RLN3: variants seen among roughly 807,000 people sequenced by gnomAD.
The protein encoded by RLN3 is relaxin 3.
Under a neutral mutation model 10.2 loss-of-function variants are expected in RLN3, and 13 were observed. The observed-to-expected ratio is 1.28, with a 90% CI of 0.83 to 2.03. The LOEUF (loss-of-function observed/expected upper bound fraction) is 2.03. Ranked by LOEUF, RLN3 falls within the 30% of genes most tolerant of loss-of-function variation. RLN3 has a pLI of 0.00. For synonymous variants in RLN3, 56 were observed against 79.2 expected, an observed-to-expected ratio of 0.71 and a Z score of 1.56; for missense variants, 191 against 187.2, an observed-to-expected ratio of 1.02 and a Z score of -0.12.
chr19:14,030,258 G>A (rs1239512866), intron 1 of RLN3: 5 of 702,746 alleles, frequency 7.1e-6, no homozygotes, highest in South Asian at 1.5e-5. Flanking sequence ...AGAACATTGA[G>A]GCTCCAAGAA....
intron 1 of RLN3, among the ~76,000 whole-genome samples, chr19:14,028,903 T>C (rs1975756728): frequency 6.6e-6 from 1 of 151,818 alleles, no homozygotes; most frequent in Non-Finnish European, 1.5e-5. Context: ...GCCTCCAGAG[T>C]AGTTGAGACC....
rs1982632 is a variant in RLN3, at chr19:14,028,192, A to T, written c.-13A>T. 1.3e-6 allele frequency: 2 copies of T among 1,555,566 alleles called. No individual in the cohort carries two copies. The highest frequency in any genetic ancestry group is 3.9e-5 in the Admixed American group (2 of 50,890). ...ACTGGCCCACTCTCACGTTCAAAGC[A>T]TCTCCGTCCAGCATGGCCAGGTACA... On this transcript the variant is annotated 5_prime_UTR_variant, in exon 1 of 2. Coordinates refer to ENST00000431365, the MANE Select transcript of RLN3 (RefSeq NM_080864.4).
rs749481235 is a variant in RLN3, at chr19:14,030,849, C to T, written c.330C>T (p.Thr110=). ...FYRGRPSWQG[T]PGVLRGSRDV... ...GGGGGCGACCCAGCTGGCAAGGAAC[C>T]CCTGGGGTTCTTCGGGGCAGCCGAG... Residue 110 remains threonine, a synonymous_variant, in exon 2 of 2, where the codon ACC becomes ACT. Coordinates refer to ENST00000431365, the MANE Select transcript of RLN3 (RefSeq NM_080864.4). 37 of 1,612,918 alleles carry T rather than the reference C, an allele frequency of 2.3e-5. No homozygotes were observed. Among genetic ancestry groups the T allele is most frequent in the Non-Finnish European group, 2.9e-5 (34 of 1,179,220 alleles).
chr19:14,030,494 A>T (rs1397112866), intron 1 of RLN3: 1 of 648,614 alleles, frequency 1.5e-6, no homozygotes, highest in African/African-American at 1.8e-5. Context: ...CCCCATCTCT[A>T]TAACAATACA....
At position 14,030,856 on chromosome 19, in the gene RLN3, G is replaced by T; in HGVS notation, c.337G>T (p.Val113Phe). The change falls in exon 2 of 2, where the codon GTT (valine) becomes TTT (phenylalanine). Residue 113 changes from valine to phenylalanine, a missense_variant. Physicochemically the swap from Val to Phe is conservative, Grantham distance 50. Coordinates refer to ENST00000431365, the MANE Select transcript of RLN3 (RefSeq NM_080864.4). ...GRPSWQGTPG[V>F]LRGSRDVLAG... The stretch of plus-strand genomic sequence containing the variant: ...ACCCAGCTGGCAAGGAACCCCTGGG[G>T]TTCTTCGGGGCAGCCGAGATGTCCT... 1 of 1,612,708 alleles carries T rather than the reference G, an allele frequency of 6.2e-7. No individual in the cohort carries two copies. The highest frequency in any genetic ancestry group is 8.5e-7 in the Non-Finnish European group (1 of 1,178,942).
At position 14,028,440 on chromosome 19, in the gene RLN3, G is replaced by A. The variant is rs976019435; in HGVS notation, c.190+46G>A. The A allele has an allele frequency of 4.5e-6, 7 of 1,547,810 alleles. No homozygotes were observed. In the African/African-American group the frequency reaches 5.4e-5, roughly 12 times the overall value. On this transcript the variant is annotated intron_variant, in intron 1 of 1. Coordinates refer to ENST00000431365, the MANE Select transcript of RLN3 (RefSeq NM_080864.4). ...GATGTAGAAGGGGAACAGGTGGCTG[G>A]ATGGGTCCCAGGAGCTAAGGACAGA...
intron 1 of RLN3, among the ~76,000 whole-genome samples, chr19:14,029,806 A>AATTATTATTATTATTATTATTATT (rs58482695): frequency 2.8e-5 from 4 of 142,324 alleles, no homozygotes; most frequent in Non-Finnish European, 4.5e-5. Flanking sequence ...GTGATCAATA[A>AATTATTATTATTATTATTATTATT]ATTATTATTA....
intron 1 of RLN3, among the ~76,000 whole-genome samples, chr19:14,028,942 T>A (rs570692798): frequency 2.0e-5 from 3 of 152,012 alleles, no homozygotes; most frequent in East Asian, 3.9e-4. Flanking sequence ...GCCTGGCTAG[T>A]TTTAAATTTT....
chr19:14,028,497 C>A, intron 1 of RLN3, 103 bp downstream of exon 1: 1 of 1,034,192 alleles, frequency 9.7e-7, no homozygotes, highest in East Asian at 2.6e-5. Context: ...GAGGAGGGTC[C>A]CTGTCCTGCC....
intron 1 of RLN3, 52 bp from the exon 2 acceptor site, chr19:14,030,658 T>C (rs1205801613): frequency 1.4e-6 from 2 of 1,449,082 alleles, no homozygotes; most frequent in Non-Finnish European, 1.9e-6. Context: ...GCCATGACTG[T>C]GGGTGCAGCA....
chr19:14,030,087 G>A (rs1439264013), intron 1 of RLN3, among the ~76,000 whole-genome samples: 1 of 151,856 alleles, frequency 6.6e-6, no homozygotes, highest in Non-Finnish European at 1.5e-5. Context: ...CCCTGGAAGT[G>A]CTGGGATTAC....
chr19:14,030,588 TA>T, intron 1 of RLN3, 121 bp from the exon 2 acceptor site: 1 of 928,500 alleles, frequency 1.1e-6, no homozygotes, highest in Non-Finnish European at 1.8e-6. Flanking sequence ...CTGGGTGGAA[TA>T]AAAACTCTGA....
chr19:14,031,189 G>C lies in RLN3; in HGVS notation c.*241G>C, dbSNP rs1975801486. Reference sequence around the variant, plus strand: ...GCTGTGCCCCTGCCTGGTCAAGTGGGGACCCCCCCATCCTGACCCCTGACC... The same window carrying C: ...GCTGTGCCCCTGCCTGGTCAAGTGGCGACCCCCCCATCCTGACCCCTGACC... On this transcript the variant is annotated 3_prime_UTR_variant, in exon 2 of 2. Transcript: ENST00000431365. 1.9e-6 allele frequency: 1 copy of C among 513,928 alleles called. No homozygotes were observed. Among genetic ancestry groups the C allele is most frequent in the African/African-American group, 2.0e-5 (1 of 51,176 alleles). 31.8% of individuals were successfully genotyped at this position (513,928 alleles called of 1,614,324 possible). A position where few individuals can be genotyped will look rare whatever the true frequency, so the allele number is the denominator to read the frequency against.
chr19:14,029,193 CAG>C (rs1975761127), intron 1 of RLN3, among the ~76,000 whole-genome samples: 1 of 151,946 alleles, frequency 6.6e-6, no homozygotes, highest in Admixed American at 6.6e-5. Context: ...TCAGGAGAGT[CAG>C]AGGGAACAGA....
chr19:14,029,753 T>C (rs1975767786), intron 1 of RLN3, among the ~76,000 whole-genome samples: 1 of 151,944 alleles, frequency 6.6e-6, no homozygotes, highest in South Asian at 2.1e-4. Context: ...AATAAAGAAG[T>C]TAACCTGCTA....
chr19:14,028,871 C>G (rs936864947), intron 1 of RLN3, among the ~76,000 whole-genome samples: 3 of 152,024 alleles, frequency 2.0e-5, no homozygotes, highest in Non-Finnish European at 2.9e-5. Context: ...ACCTCCCAGG[C>G]TCAAGTGATT....
In RLN3 at chr19:14,030,764, A is replaced by G. The variant is rs200381661; in HGVS notation, c.245A>G (p.Asp82Gly). 16 of 1,614,216 alleles carry G rather than the reference A, an allele frequency of 9.9e-6. No individual in the cohort carries two copies. In the African/African-American group the frequency reaches 1.7e-4, roughly 17 times the overall value. ...GAAGACAGTCTGGCAGGCGAGCTGG[A>G]TGAGGCCATGGGGTCCAGCGAGTGG... ...ADEDSLAGEL[D>G]EAMGSSEWLA... The change falls in exon 2 of 2, where the codon GAT becomes GGT. Residue 82 changes from aspartate (D) to glycine (G), a missense_variant. By Grantham distance (94) the Asp-to-Gly change is moderately conservative. Transcript: ENST00000431365.
intron 1 of RLN3, 79 bp downstream of exon 1, chr19:14,028,473 G>A (rs1599542187): frequency 1.6e-6 from 2 of 1,282,096 alleles, no homozygotes; most frequent in East Asian, 2.4e-5. Flanking sequence ...AGAGATAAGA[G>A]GAGGTTGCTG....
Position 14,030,922 on chromosome 19 carries a change from A to C in RLN3, c.403A>C (p.Lys135Gln). The C allele has an allele frequency of 6.3e-7, 1 of 1,583,756 alleles. No homozygotes were observed. The highest frequency in any genetic ancestry group is 1.1e-5 in the South Asian group (1 of 87,290). The change falls in exon 2 of 2, where the codon AAA becomes CAA. Residue 135 changes from lysine (K) to glutamine (Q), a missense_variant. Coordinates refer to ENST00000431365, the MANE Select transcript of RLN3 (RefSeq NM_080864.4). ...SSSCCKWGCS[K>Q]SEISSLC is the part of the protein sequence containing the mutation. Reference sequence around the variant, plus strand: ...CAGCTGCTGCAAGTGGGGGTGTAGCAAAAGTGAAATCAGTAGCCTTTGCTA... The same window carrying C: ...CAGCTGCTGCAAGTGGGGGTGTAGCCAAAGTGAAATCAGTAGCCTTTGCTA...
Sources: allele counts gnomAD v4.1 joint callset (sites outside exome capture counted in the v4.1 genomes callset), GRCh38; gene constraint gnomAD v4.1.1; transcripts MANE v1.5; gene names NCBI Gene and HGNC (gene_info 2026-07-23, HGNC 2026-07-21).